The following DPYD variants were observed in gnomAD, a reference collection of about 807,000 sequenced individuals.
The protein encoded by DPYD is dihydropyrimidine dehydrogenase [NADP(+)].
Under a neutral mutation model 116.2 loss-of-function variants are expected in DPYD, and 109 were observed. The ratio of observed to expected loss-of-function variants is 0.94; its 90% CI spans 0.80 to 1.10. The LOEUF is 1.10. DPYD is among the 50% of genes least tolerant of loss of function. The pLI is 0.00. For missense variants in DPYD, 1,302 were observed against 1,254.5 expected, an observed-to-expected ratio of 1.04 and a Z score of -0.57; for synonymous variants, 440 against 432.0, an observed-to-expected ratio of 1.02 and a Z score of -0.23.
intron 20 of DPYD, among the ~76,000 whole-genome samples, chr1:97,141,536 T>C (rs985636721): frequency 3.9e-5 from 6 of 152,186 alleles, no homozygotes; most frequent in Non-Finnish European, 8.8e-5. Flanking sequence ...TACTCACTGC[T>C]GTCTAACCTT....
At chr1:97,726,346 T>G (rs1238417111) in intron 4 of DPYD, among the ~76,000 whole-genome samples, 1 of 151,566 alleles carries the variant, frequency 6.6e-6, no homozygotes, top group Non-Finnish European at 1.5e-5. Flanking sequence ...TGACCTGACT[T>G]TCTGGTTTTG....
intron 1 of DPYD, among the ~76,000 whole-genome samples, chr1:97,896,717 A>G (rs1673089665): frequency 6.6e-6 from 1 of 151,800 alleles, no homozygotes; most frequent in Non-Finnish European, 1.5e-5. Flanking sequence ...GTTTTCCCCA[A>G]ACCTCCAGAT....
intron 2 of DPYD, among the ~76,000 whole-genome samples, chr1:97,849,589 G>C (rs997423096): frequency 2.6e-5 from 4 of 151,486 alleles, no homozygotes; most frequent in Non-Finnish European, 5.9e-5. Flanking sequence ...ACAGAGCCTA[G>C]ATGTGAACCT....
chr1:97,456,334 T>C (rs1676683972), intron 13 of DPYD, among the ~76,000 whole-genome samples: 1 of 152,068 alleles, frequency 6.6e-6, no homozygotes, highest in African/African-American at 2.4e-5. Context: ...GTATTTCACA[T>C]AACACACACA....
chr1:97,480,254 AAATATGCC>A (rs1441456425), intron 13 of DPYD, among the ~76,000 whole-genome samples: 2 of 152,210 alleles, frequency 1.3e-5, no homozygotes, highest in Non-Finnish European at 2.9e-5. Context: ...GAAAAAAAAG[AAATATGCC>A]ACATGGAGAG....
intron 12 of DPYD, among the ~76,000 whole-genome samples, chr1:97,537,258 C>A (rs186541720): frequency 2.0e-5 from 3 of 152,174 alleles, no homozygotes; most frequent in African/African-American, 7.2e-5. Flanking sequence ...CTTTTTTTCC[C>A]ACATCATAAG....
chr1:97,203,641 AAT>A (rs1659368355), intron 19 of DPYD, among the ~76,000 whole-genome samples: 1 of 147,176 alleles, frequency 6.8e-6, no homozygotes, highest in Admixed American at 6.8e-5. Context: ...AAATAAAAAA[AAT>A]AATAAAGGAT....
intron 8 of DPYD, among the ~76,000 whole-genome samples, chr1:97,606,769 A>G (rs1314200071): frequency 1.3e-5 from 2 of 152,016 alleles, no homozygotes; most frequent in Non-Finnish European, 2.9e-5. Context: ...TTTGCAGAAA[A>G]TAAGAATGGA....
chr1:97,427,683 C>G (rs1251422254), intron 14 of DPYD, among the ~76,000 whole-genome samples: 1 of 151,582 alleles, frequency 6.6e-6, no homozygotes, highest in East Asian at 1.9e-4. Context: ...AGCTTTCTTG[C>G]CCAATGAAGC....
intron 18 of DPYD, among the ~76,000 whole-genome samples, chr1:97,303,492 T>G (rs567754493): frequency 6.6e-6 from 1 of 152,118 alleles, no homozygotes; most frequent in Non-Finnish European, 1.5e-5. Flanking sequence ...TTTAACACAA[T>G]TTTGCTAGGC....
At chr1:97,200,538 TC>T (rs1659128209) in intron 19 of DPYD, among the ~76,000 whole-genome samples, 1 of 152,092 alleles carries the variant, frequency 6.6e-6, no homozygotes, top group Non-Finnish European at 1.5e-5. Context: ...CTTAAAGCTT[TC>T]TCAGGAAAAA....
rs542277425 is a variant in DPYD at position 97,296,600 on chromosome 1, A to G, written c.2299+8659T>C. On this transcript the variant is annotated intron_variant, in intron 18 of 22. Transcript: ENST00000370192. ...TTTATGATATATTCATGCTGTTTTG[A>G]TAAAGTATAAATTATAAATTCTAAC... is the stretch of plus-strand genomic sequence containing the variant. Among the ~76,000 whole-genome samples the G allele has an allele frequency of 3.9e-5, 6 of 152,220 alleles. No homozygotes were observed. In the South Asian group the frequency reaches 1.2e-3, roughly 32 times the overall value.
At chr1:97,266,394 A>G (rs1003417625) in intron 18 of DPYD, among the ~76,000 whole-genome samples, 2 of 152,184 alleles carry the variant, frequency 1.3e-5, no homozygotes, top group African/African-American at 2.4e-5. Flanking sequence ...TAGGAGTGCT[A>G]TCTAATATCA....
At chr1:97,198,125 G>A (rs1310695655) in intron 19 of DPYD, among the ~76,000 whole-genome samples, 1 of 152,026 alleles carries the variant, frequency 6.6e-6, no homozygotes, top group Non-Finnish European at 1.5e-5. Flanking sequence ...TTAAAATGCA[G>A]ATTCTGGTTT....
chr1:97,276,510 T>C (rs1456658878), intron 18 of DPYD, among the ~76,000 whole-genome samples: 2 of 151,988 alleles, frequency 1.3e-5, no homozygotes, highest in East Asian at 3.9e-4. Context: ...GAACAGGCAC[T>C]TCTCAAAAGA....
chr1:97,352,351 G>A (rs1055302377), intron 16 of DPYD, among the ~76,000 whole-genome samples: 3 of 152,194 alleles, frequency 2.0e-5, no homozygotes, highest in Admixed American at 6.5e-5. Flanking sequence ...CTACCTAATA[G>A]TTGCTCAATT....
chr1:97,378,877 AC>A, intron 15 of DPYD, among the ~76,000 whole-genome samples: 1 of 152,218 alleles, frequency 6.6e-6, no homozygotes, highest in East Asian at 1.9e-4. Flanking sequence ...ATTATATGCT[AC>A]AGAGGAAAAA....
At chr1:97,460,427 C>A (rs980268431) in intron 13 of DPYD, among the ~76,000 whole-genome samples, 1 of 152,086 alleles carries the variant, frequency 6.6e-6, no homozygotes, top group African/African-American at 2.4e-5. Flanking sequence ...GGGAACATTT[C>A]AGATTGGAGA....
chr1:97,473,661 A>G (rs1570792866), intron 13 of DPYD, among the ~76,000 whole-genome samples: 1 of 152,300 alleles, frequency 6.6e-6, no homozygotes, highest in African/African-American at 2.4e-5. Flanking sequence ...TGTGGAGAAA[A>G]GGGAATCCTC....
Sources: gnomAD v4.1 joint callset for allele counts (sites outside exome capture counted in the v4.1 genomes callset) on GRCh38, gnomAD v4.1.1 for gene constraint, MANE v1.5 for transcripts, NCBI Gene and HGNC (gene_info 2026-07-23, HGNC 2026-07-21) for gene names.